The following TBX20 variants were observed in gnomAD, a reference collection of about 807,000 sequenced individuals.
TBX20 encodes the protein T-box transcription factor TBX20.
In TBX20, 8 loss-of-function variants were observed where a neutral mutation model predicts 42.9. The observed-to-expected ratio is 0.19, with a 90% CI of 0.11 to 0.34. The LOEUF is 0.34. TBX20 is among the 10% of genes least tolerant of loss of function. The pLI, the probability that TBX20 is intolerant of heterozygous loss-of-function variation, is 1.00. For synonymous variants in TBX20, 198 were observed against 222.8 expected, an observed-to-expected ratio of 0.89 and a Z score of 0.99; for missense variants, 411 against 566.0, an observed-to-expected ratio of 0.73 and a Z score of 2.78.
chr7:35,245,090 T>G, intron 3 of TBX20, 33 bp from the exon 4 acceptor site: 1 of 1,469,088 alleles, frequency 6.8e-7, no homozygotes, highest in East Asian at 2.3e-5. Flanking sequence ...TTATTGAGAC[T>G]TCTTTAAAAA....
chr7:35,208,480 C>T (rs900293415), intron 6 of TBX20, among the ~76,000 whole-genome samples: 9 of 152,114 alleles, frequency 5.9e-5, no homozygotes, highest in African/African-American at 1.7e-4. Flanking sequence ...CAGTGGTTCA[C>T]GCCTGTAATC....
At chr7:35,212,332 T>C (rs1203791841) in intron 6 of TBX20, among the ~76,000 whole-genome samples, 3 of 152,216 alleles carry the variant, frequency 2.0e-5, no homozygotes. Context: ...ACAATCATAC[T>C]AAGTGTCTGA....
At chr7:35,230,806 A>G (rs1789853708) in intron 6 of TBX20, among the ~76,000 whole-genome samples, 1 of 152,224 alleles carries the variant, frequency 6.6e-6, no homozygotes, top group Admixed American at 6.5e-5. Context: ...GTGTTTAAGA[A>G]GTACAAATAA....
At chr7:35,251,462 AT>A (rs937339452) in intron 1 of TBX20, among the ~76,000 whole-genome samples, 1 of 152,178 alleles carries the variant, frequency 6.6e-6, no homozygotes, top group African/African-American at 2.4e-5. Context: ...TGCCATCCTG[AT>A]TTTTTTCAGA....
At chr7:35,222,786 G>A (rs1174572604) in intron 6 of TBX20, among the ~76,000 whole-genome samples, 1 of 152,116 alleles carries the variant, frequency 6.6e-6, no homozygotes, top group Non-Finnish European at 1.5e-5. Context: ...AGGCAACTGG[G>A]TCAGGTGGGG....
chr7:35,253,867 A>C lies in TBX20; in HGVS notation c.-247T>G. ...GAGAGGAGAGGGCCCACCGAGCACT[A>C]CGGCGGGTGCGCACGCCCCGGGGCG... is the stretch of plus-strand genomic sequence containing the variant. On this transcript the variant is annotated 5_prime_UTR_variant, in exon 1 of 8. Coordinates refer to ENST00000408931, the MANE Select transcript of TBX20 (RefSeq NM_001077653.2). 1 of 519,788 alleles carries C rather than the reference A, an allele frequency of 1.9e-6. No individual in the cohort carries two copies. Among genetic ancestry groups the C allele is most frequent in the Non-Finnish European group, 3.4e-6 (1 of 293,628 alleles). 32.2% of individuals were successfully genotyped at this position (519,788 alleles called of 1,614,324 possible).
chr7:35,245,138 G>C, intron 3 of TBX20, 81 bp from the exon 4 acceptor site: 1 of 1,032,708 alleles, frequency 9.7e-7, no homozygotes, highest in South Asian at 1.4e-5. Flanking sequence ...CTAATTCTAA[G>C]GGAACACATA....
intron 3 of TBX20, among the ~76,000 whole-genome samples, chr7:35,245,414 C>A (rs1369182562): frequency 6.6e-6 from 1 of 151,112 alleles, no homozygotes; most frequent in East Asian, 1.9e-4. Flanking sequence ...GTTGAAGGTG[C>A]TTTCAAAAGA....
In TBX20 at chr7:35,240,927, G is replaced by A; in HGVS notation, c.765C>T (p.Ile255=). 6.2e-7 allele frequency: 1 copy of A among 1,613,890 alleles called. No individual in the cohort carries two copies. Residue 255 remains isoleucine, a synonymous_variant, in exon 5 of 8, where the codon ATC becomes ATT. Coordinates refer to ENST00000408931, the MANE Select transcript of TBX20 (RefSeq NM_001077653.2). ...CTGCCGTAAAAACTGTTTCTGGAAA[G>A]ATGAAAGTTCTAAATTCTTCAGACT... The part of the protein sequence containing the change: ...NLKSEEFRTF[I]FPETVFTAVT...
chr7:35,223,867 G>A (rs1480694123), intron 6 of TBX20, among the ~76,000 whole-genome samples: 2 of 152,136 alleles, frequency 1.3e-5, no homozygotes, highest in African/African-American at 4.8e-5. Context: ...AGACAAATGG[G>A]GTCAAGAAAG....
intron 6 of TBX20, among the ~76,000 whole-genome samples, chr7:35,214,834 T>A (rs1386850713): frequency 3.9e-5 from 6 of 152,216 alleles, no homozygotes; most frequent in African/African-American, 1.4e-4. Flanking sequence ...TATTTTCACA[T>A]GCAAAAGAAC....
chr7:35,253,741 A>T lies in TBX20; in HGVS notation c.-121T>A. 7.7e-7 allele frequency: 1 copy of T among 1,305,984 alleles called. No homozygotes were observed. The highest frequency in any genetic ancestry group is 1.0e-6 in the Non-Finnish European group (1 of 954,790). 80.9% of individuals were successfully genotyped at this position (1,305,984 alleles called of 1,614,324 possible). A position where few individuals can be genotyped will look rare whatever the true frequency, so the allele number is the denominator to read the frequency against. ...TTCCGAGAGCAGTCACAGCGGGGCC[A>T]GGGACTCCAGAAGTGTCAGCTCCAA... On this transcript the variant is annotated 5_prime_UTR_variant, in exon 1 of 8. Coordinates refer to ENST00000408931, the MANE Select transcript of TBX20 (RefSeq NM_001077653.2).
At chr7:35,203,818 T>C (rs952223842) in intron 7 of TBX20, among the ~76,000 whole-genome samples, 6 of 152,190 alleles carry the variant, frequency 3.9e-5, no homozygotes, top group Non-Finnish European at 7.3e-5. Flanking sequence ...AATTTCATAT[T>C]AAGGACATAA....
chr7:35,246,577 A>G (rs1790192023), intron 3 of TBX20, among the ~76,000 whole-genome samples: 2 of 152,176 alleles, frequency 1.3e-5, no homozygotes, highest in African/African-American at 2.4e-5. Flanking sequence ...TGAAAAGGTA[A>G]CATTATTTTA....
At position 35,249,970 on chromosome 7, in the gene TBX20, T is replaced by G; in HGVS notation, c.361A>C (p.Ile121Leu). ...AACTACCTGCCCGACTTGGTGATGA[T>G]CATCTCGGTGCCCAGCTCATGGAAT... is the stretch of plus-strand genomic sequence containing the variant. ...DKFHELGTEM[I>L]ITKSGRRMFP... The change falls in exon 2 of 8, where the codon ATC becomes CTC. Residue 121 changes from isoleucine (I) to leucine (L), a missense_variant. Physicochemically the swap from Ile to Leu is conservative, Grantham distance 5. Coordinates refer to ENST00000408931, the MANE Select transcript of TBX20 (RefSeq NM_001077653.2). The surrounding 1 kb of genome is among the most constrained non-coding windows in gnomAD (Gnocchi z 4.3). 6.2e-7 allele frequency: 1 copy of G among 1,607,140 alleles called. No homozygotes were observed. The highest frequency in any genetic ancestry group is 8.5e-7 in the Non-Finnish European group (1 of 1,175,490).
At position 35,249,904 on chromosome 7, in the gene TBX20, T is replaced by A. The variant is rs1213926628; in HGVS notation, c.380+47A>T. On this transcript the variant is annotated intron_variant, in intron 2 of 7. Transcript: ENST00000408931. The surrounding 1 kb of genome is among the most constrained non-coding windows in gnomAD (Gnocchi z 4.3). ...GAAGCACCCTCAACTACCCAGGGAG[T>A]GTCCTGACTCTCCACCCCCAACCCC... 1 of 1,563,272 alleles carries A rather than the reference T, an allele frequency of 6.4e-7. No individual in the cohort carries two copies. The highest frequency in any genetic ancestry group is 8.7e-7 in the Non-Finnish European group (1 of 1,151,370).
chr7:35,206,575 T>C (rs1051626994), intron 6 of TBX20, among the ~76,000 whole-genome samples: 5 of 152,162 alleles, frequency 3.3e-5, no homozygotes, highest in African/African-American at 1.2e-4. Context: ...ATAAAGTGTA[T>C]AGTTTGATCA....
Position 35,249,667 on chromosome 7 carries a change from G to A in TBX20, c.380+284C>T, listed in dbSNP as rs1790266033. On this transcript the variant is annotated intron_variant, in intron 2 of 7. Coordinates refer to ENST00000408931, the MANE Select transcript of TBX20 (RefSeq NM_001077653.2). This position sits in a 1 kb window ranked among gnomAD's most constrained non-coding sequence, Gnocchi z 4.3. The stretch of plus-strand genomic sequence containing the variant: ...ACCCGCCAAACCTTCTCCAGCTCCA[G>A]GGAAAGCAGACCACACCCTTCGGGG... 6.6e-6 allele frequency among the ~76,000 whole-genome samples: 1 copy of A among 152,198 alleles called. No individual in the cohort carries two copies. The highest frequency in any genetic ancestry group is 2.4e-5 in the African/African-American group (1 of 41,450).
intron 6 of TBX20, 34 bp from the exon 7 acceptor site, chr7:35,204,616 A>G: frequency 6.6e-7 from 1 of 1,510,414 alleles, no homozygotes; most frequent in Non-Finnish European, 9.2e-7. Context: ...GGTTAAGTAA[A>G]ATGTAAAGGA....
Sources: allele counts gnomAD v4.1 joint callset (sites outside exome capture counted in the v4.1 genomes callset), GRCh38; gene constraint gnomAD v4.1.1; non-coding constraint Gnocchi (gnomAD v3.1); transcripts MANE v1.5; gene names NCBI Gene and HGNC (gene_info 2026-07-23, HGNC 2026-07-21).